Variants in CFAP47 observed in about 807,000 individuals in gnomAD.
CFAP47 encodes cilia and flagella associated protein 47, also known as cilia- and flagella-associated protein 47.
A neutral mutation model predicts 148.1 loss-of-function variants in CFAP47; 29 were observed. That is an observed-to-expected ratio of 0.20 (90% CI 0.15 to 0.27). The LOEUF is 0.27. Among genes scored for constraint, CFAP47 ranks in the 10% least tolerant of loss-of-function variants. The pLI, the probability that CFAP47 is intolerant of heterozygous loss-of-function variation, is 1.00. For synonymous variants in CFAP47, 664 were observed against 577.3 expected (o/e 1.15, Z -2.15); for missense variants, 1,872 against 1,697.5 (o/e 1.10, Z -1.81).
intron 62 of CFAP47, among the ~76,000 whole-genome samples, chrX:36,368,600 A>G (rs185332804): frequency 2.4e-4 from 27 of 111,409 alleles, no homozygotes; most frequent in African/African-American, 8.8e-4. Flanking sequence ...TGAAAATATG[A>G]TACTCTTGTG....
At chrX:36,104,841 T>C (rs1938439849) in intron 33 of CFAP47, 150 bp downstream of exon 33, 1 of 301,530 alleles carries the variant, frequency 3.3e-6, no homozygotes, top group East Asian at 4.9e-5. Context: ...TAATGCCTCC[T>C]TAACATCTTC....
intron 39 of CFAP47, among the ~76,000 whole-genome samples, chrX:36,168,473 A>G (rs987358020): frequency 5.4e-5 from 6 of 112,146 alleles, no homozygotes; most frequent in Non-Finnish European, 7.5e-5. Context: ...TCTTTTTCCT[A>G]GCCTTTCCCT....
chrX:35,929,989 A>ACT (rs200041875), intron 2 of CFAP47, among the ~76,000 whole-genome samples: 4,279 of 110,842 alleles, frequency 0.039, 203 homozygotes, highest in African/African-American at 0.13. Flanking sequence ...ACAGAGTGAG[A>ACT]CTGTCTCAAA....
chrX:36,250,512 A>G, intron 48 of CFAP47, among the ~76,000 whole-genome samples: 1 of 110,677 alleles, frequency 9.0e-6, no homozygotes, highest in East Asian at 2.8e-4. Flanking sequence ...CATGGTTATG[A>G]TAATTATAAC....
At chrX:36,002,876 G>A (rs1436405059) in intron 21 of CFAP47, among the ~76,000 whole-genome samples, 2 of 111,415 alleles carry the variant, frequency 1.8e-5, no homozygotes, top group African/African-American at 6.5e-5. Flanking sequence ...CAGGAAAAAT[G>A]TAAGCTGTTA....
In CFAP47 at chrX:36,140,062, A is replaced by T. The variant is rs187460001; in HGVS notation, c.5535+1598A>T. On this transcript the variant is annotated intron_variant, in intron 35 of 63. Transcript: ENST00000378653. Reference sequence around the variant, plus strand: ...TTCCCATAAATTCAACAAATTATTTAACCTCCCTCATGAAAGACACTGGAT... The same window carrying T: ...TTCCCATAAATTCAACAAATTATTTTACCTCCCTCATGAAAGACACTGGAT... Among the ~76,000 whole-genome samples, 629 of 111,730 alleles carry T rather than the reference A, an allele frequency of 5.6e-3. 8 individuals carry two copies. The highest frequency in any genetic ancestry group is 0.02 in the African/African-American group (604 of 30,786).
At chrX:36,083,842 CAAT>C (rs993166051) in intron 29 of CFAP47, among the ~76,000 whole-genome samples, 6 of 110,765 alleles carry the variant, frequency 5.4e-5, no homozygotes, top group African/African-American at 2.0e-4. Context: ...AGTTATTAAA[CAAT>C]AATGATTTAA....
intron 24 of CFAP47, among the ~76,000 whole-genome samples, chrX:36,036,130 C>T (rs1429394920): frequency 1.8e-5 from 2 of 110,832 alleles, no homozygotes; most frequent in Non-Finnish European, 3.8e-5. Context: ...CCATCATCAC[C>T]CATGTTGTAC....
At chrX:36,219,141 C>T (rs1283095612) in intron 45 of CFAP47, among the ~76,000 whole-genome samples, 1 of 111,669 alleles carries the variant, frequency 9.0e-6, no homozygotes, top group Non-Finnish European at 1.9e-5. Flanking sequence ...TCTACAGATA[C>T]AAAATTACTC....
rs73468977 is a variant in CFAP47 at position 36,059,747 on chromosome X, G to A, written c.4218-5896G>A. ...GCATATGCACTAGTAAGTTTGCTAT[G>A]ATTTGGATATGGTTTGTTTGGCCCT... On this transcript the variant is annotated intron_variant, in intron 26 of 63. Coordinates refer to ENST00000378653, the MANE Select transcript of CFAP47 (RefSeq NM_001304548.2). Among the ~76,000 whole-genome samples, 395 of 111,954 alleles carry A rather than the reference G, an allele frequency of 3.5e-3. 1 individual carries two copies. Among genetic ancestry groups the A allele is most frequent in the African/African-American group, 0.012 (368 of 30,849 alleles).
At chrX:36,296,982 A>T (rs1270522076) in intron 51 of CFAP47, among the ~76,000 whole-genome samples, 6 of 111,698 alleles carry the variant, frequency 5.4e-5, no homozygotes, top group Admixed American at 2.9e-4. Context: ...TAAGCGTTGA[A>T]TATTTTGCTG....
rs752345326 is a variant in CFAP47 at position 36,109,605 on chromosome X, A to G, written c.5320+4914A>G. 5.4e-5 allele frequency among the ~76,000 whole-genome samples: 6 copies of G among 110,927 alleles called. No individual in the cohort carries two copies. In the East Asian group the frequency reaches 1.7e-3, roughly 32 times the overall value. On this transcript the variant is annotated intron_variant, in intron 33 of 63. Coordinates refer to ENST00000378653, the MANE Select transcript of CFAP47 (RefSeq NM_001304548.2). ...ATTCTCCTGCCTCAGCCTCCTGAGT[A>G]GCTGGGATTACAGGCACACGCTACC...
intron 1 of CFAP47, among the ~76,000 whole-genome samples, chrX:35,922,222 G>C (rs139104800): frequency 0.023 from 2,561 of 111,182 alleles, 85 homozygotes; most frequent in African/African-American, 0.079. Flanking sequence ...CAAATCCCAT[G>C]CATCTTTTAA....
chrX:36,028,462 T>G lies in CFAP47; in HGVS notation c.3557-2791T>G, dbSNP rs1420308386. 4.5e-5 allele frequency among the ~76,000 whole-genome samples: 5 copies of G among 111,677 alleles called. No homozygotes were observed. The East Asian group carries it at 1.4e-3, about 31-fold the overall frequency. On this transcript the variant is annotated intron_variant, in intron 22 of 63. Coordinates refer to ENST00000378653, the MANE Select transcript of CFAP47 (RefSeq NM_001304548.2). ...AATCTCTAGATTGCTTTGGGCAGTA[T>G]GGCCATTTGATGATAATTGATTCTT...
chrX:35,995,478 G>A (rs760531895), intron 18 of CFAP47, among the ~76,000 whole-genome samples: 2 of 111,461 alleles, frequency 1.8e-5, no homozygotes, highest in African/African-American at 3.3e-5. Flanking sequence ...CTGGTGAAGA[G>A]GTCCAGGCAA....
intron 57 of CFAP47, among the ~76,000 whole-genome samples, chrX:36,320,152 C>A (rs1941467210): frequency 9.0e-6 from 1 of 111,428 alleles, no homozygotes; most frequent in South Asian, 3.8e-4. Context: ...ATATATTAAC[C>A]ACCCCACCTG....
intron 37 of CFAP47, among the ~76,000 whole-genome samples, chrX:36,154,375 C>T (rs982805171): frequency 2.7e-5 from 3 of 112,108 alleles, no homozygotes; most frequent in South Asian, 3.7e-4. Context: ...CTTTTTAACA[C>T]GGGTTTTCTT....
chrX:36,226,849 A>G (rs1940275772), intron 45 of CFAP47, among the ~76,000 whole-genome samples: 1 of 111,865 alleles, frequency 8.9e-6, no homozygotes, highest in African/African-American at 3.2e-5. Context: ...ATTGTGTAGC[A>G]TTAAATAGCA....
rs1449032802 is a variant in CFAP47, at chrX:36,012,108, A to T, written c.3418-2666A>T. 2.7e-5 allele frequency among the ~76,000 whole-genome samples: 3 copies of T among 111,972 alleles called. 1 individual carries two copies. The South Asian group carries it at 1.1e-3, about 42-fold the overall frequency. On this transcript the variant is annotated intron_variant, in intron 21 of 63. Transcript: ENST00000378653. ...CAGTAGAGAAATGCAAATCAGAATTACAATGAGATACTATCTGATGCCAGT... is the reference window on the plus strand; with the variant it reads ...CAGTAGAGAAATGCAAATCAGAATTTCAATGAGATACTATCTGATGCCAGT...
Sources: allele counts gnomAD v4.1 joint callset (sites outside exome capture counted in the v4.1 genomes callset), GRCh38; gene constraint gnomAD v4.1.1; transcripts MANE v1.5; gene names NCBI Gene and HGNC (gene_info 2026-07-23, HGNC 2026-07-21).